The following CACNA1E variants were observed in gnomAD, a reference collection of about 807,000 sequenced individuals.
CACNA1E encodes calcium voltage-gated channel subunit alpha1 E, also known as voltage-dependent R-type calcium channel subunit alpha-1E.
CACNA1E carries 40 observed loss-of-function variants against 259.2 expected under a neutral mutation model. That is an observed-to-expected ratio of 0.15 (90% CI 0.12 to 0.20). CACNA1E has a LOEUF of 0.20. CACNA1E is among the 10% of genes least tolerant of loss of function. The pLI, the probability that CACNA1E is intolerant of heterozygous loss-of-function variation, is 1.00. For missense variants in CACNA1E, 1,874 were observed against 3,040.1 expected, an observed-to-expected ratio of 0.62 and a Z score of 9.02; for synonymous variants, 1,104 against 1,138.5, an observed-to-expected ratio of 0.97 and a Z score of 0.61.
At chr1:181,546,671 A>G (rs938114352) in intron 3 of CACNA1E, among the ~76,000 whole-genome samples, 4 of 152,144 alleles carry the variant, frequency 2.6e-5, no homozygotes, top group Admixed American at 2.6e-4. Flanking sequence ...CTGCGGTGAT[A>G]AACACACCCT....
intron 3 of CACNA1E, among the ~76,000 whole-genome samples, chr1:181,517,709 C>T (rs1260751986): frequency 6.6e-6 from 1 of 152,096 alleles, no homozygotes; most frequent in Non-Finnish European, 1.5e-5. Flanking sequence ...GCCAGTGGCA[C>T]ATGCAGAACG....
At chr1:181,373,803 GCA>G (rs1654889251) in intron 1 of CACNA1E, among the ~76,000 whole-genome samples, 1 of 152,144 alleles carries the variant, frequency 6.6e-6, no homozygotes. Flanking sequence ...GGGATTACAG[GCA>G]TGGACCACCG....
chr1:181,641,699 T>C (rs1657764353), intron 6 of CACNA1E, among the ~76,000 whole-genome samples: 1 of 110,604 alleles, frequency 9.0e-6, no homozygotes, highest in African/African-American at 3.5e-5. Flanking sequence ...AACACTAATT[T>C]TTTGTTTTTT....
chr1:181,520,279 A>G (rs1167961382), intron 3 of CACNA1E, among the ~76,000 whole-genome samples: 1 of 152,230 alleles, frequency 6.6e-6, no homozygotes, highest in Non-Finnish European at 1.5e-5. Context: ...TCTATTATCA[A>G]CAATTCTAAA....
At chr1:181,578,780 A>G (rs1651227917) in intron 4 of CACNA1E, among the ~76,000 whole-genome samples, 1 of 152,218 alleles carries the variant, frequency 6.6e-6, no homozygotes, top group East Asian at 1.9e-4. Context: ...GTCAAAGGAT[A>G]TGGCATTTTC....
Position 181,720,858 on chromosome 1 carries a change from A to G in CACNA1E, c.1956+3A>G. The G allele has an allele frequency of 6.2e-7, 1 of 1,604,170 alleles. No homozygotes were observed. Among genetic ancestry groups the G allele is most frequent in the Non-Finnish European group, 8.5e-7 (1 of 1,172,134 alleles). On this transcript the variant is annotated splice_donor_region_variant and intron_variant, in intron 15 of 47. Transcript: ENST00000367573. The stretch of plus-strand genomic sequence containing the variant: ...CAGCCATCATGACTGTGTTCCAGGT[A>G]TGAGGCCAGCTGACGGTTCACAAGT...
intron 7 of CACNA1E, among the ~76,000 whole-genome samples, chr1:181,667,894 T>A (rs145443447): frequency 6.6e-6 from 1 of 152,210 alleles, no homozygotes; most frequent in Non-Finnish European, 1.5e-5. Context: ...AACAGGAAGT[T>A]GTAAAAAATT....
At chr1:181,618,608 T>G (rs1655441346) in intron 6 of CACNA1E, among the ~76,000 whole-genome samples, 1 of 152,178 alleles carries the variant, frequency 6.6e-6, no homozygotes. Flanking sequence ...TCCTTTGTCC[T>G]TCAGTAGACG....
chr1:181,655,106 G>A (rs1365606313), intron 7 of CACNA1E, among the ~76,000 whole-genome samples: 1 of 151,914 alleles, frequency 6.6e-6, no homozygotes, highest in African/African-American at 2.4e-5. Context: ...TATACAGTTT[G>A]TGAAAATACA....
intron 3 of CACNA1E, among the ~76,000 whole-genome samples, chr1:181,570,651 G>A: frequency 6.6e-6 from 1 of 152,190 alleles, no homozygotes; most frequent in African/African-American, 2.4e-5. Flanking sequence ...ACATTCTTGT[G>A]TTCTTTGGCC....
Position 181,339,376 on chromosome 1 carries a change from A to C in CACNA1E, c.-15+21253A>C, listed in dbSNP as rs116356522. ...ATAGTTTTTAGTGCACAGATCTTTCACTTCCTTGGTTAAATTTATTCCTGA... is the reference window on the plus strand; with the variant it reads ...ATAGTTTTTAGTGCACAGATCTTTCCCTTCCTTGGTTAAATTTATTCCTGA... On this transcript the variant is annotated intron_variant, in intron 1 of 11. Transcript: ENST00000524607. Among the ~76,000 whole-genome samples the C allele has an allele frequency of 3.6e-3, 548 of 151,786 alleles. 7 individuals are homozygous for C. Among genetic ancestry groups the C allele is most frequent in the African/African-American group, 0.012 (513 of 41,420 alleles).
In CACNA1E at chr1:181,801,567, C is replaced by G. The variant is rs565908489; in HGVS notation, c.*2733C>G. ...AAGACCAGAAAATAAAATAATTTTC[C>G]GTTGAGTCACAAACTCATCATCTTG... On this transcript the variant is annotated 3_prime_UTR_variant, in exon 48 of 48. Coordinates refer to ENST00000367573, the MANE Select transcript of CACNA1E (RefSeq NM_001205293.3). 3 of 152,274 alleles carry G rather than the reference C, an allele frequency of 2.0e-5. No individual in the cohort carries two copies. Among genetic ancestry groups the G allele is most frequent in the African/African-American group, 7.2e-5 (3 of 41,550 alleles). 9.4% of individuals were successfully genotyped at this position (152,274 alleles called of 1,614,324 possible).
chr1:181,626,172 G>C (rs1656179854), intron 6 of CACNA1E, among the ~76,000 whole-genome samples: 1 of 152,134 alleles, frequency 6.6e-6, no homozygotes, highest in African/African-American at 2.4e-5. Context: ...TAATAATAAT[G>C]AAAAATTTTG....
chr1:181,563,887 G>A (rs1381762723), intron 3 of CACNA1E, among the ~76,000 whole-genome samples: 1 of 152,164 alleles, frequency 6.6e-6, no homozygotes. Context: ...GCATATAAGA[G>A]TTATGTTTAC....
intron 1 of CACNA1E, among the ~76,000 whole-genome samples, chr1:181,356,383 C>G (rs1653439341): frequency 6.6e-6 from 1 of 151,994 alleles, no homozygotes; most frequent in Non-Finnish European, 1.5e-5. Flanking sequence ...TTGTGAGATT[C>G]TAGAAGATAG....
chr1:181,486,713 A>G (rs1002580311), intron 1 of CACNA1E, among the ~76,000 whole-genome samples: 29 of 152,360 alleles, frequency 1.9e-4, no homozygotes, highest in African/African-American at 6.7e-4. Flanking sequence ...GACTTAATAT[A>G]TATCACATGC....
intron 1 of CACNA1E, among the ~76,000 whole-genome samples, chr1:181,497,159 T>G (rs1431218065): frequency 2.6e-5 from 4 of 152,078 alleles, no homozygotes; most frequent in Non-Finnish European, 4.4e-5. Flanking sequence ...ATGTTACATC[T>G]CTGGGTAACC....
intron 7 of CACNA1E, among the ~76,000 whole-genome samples, chr1:181,708,162 A>G (rs72735215): frequency 0.13 from 19,563 of 152,156 alleles, 1,339 homozygotes; most frequent in Admixed American, 0.19. Context: ...GTAGGCAGGC[A>G]GGGGGTGGAT....
At chr1:181,426,660 T>G (rs1195240166) in intron 2 of CACNA1E, among the ~76,000 whole-genome samples, 1 of 30,542 alleles carries the variant, frequency 3.3e-5, no homozygotes, top group African/African-American at 1.4e-4. Flanking sequence ...TTCCCATCTC[T>G]ACCCCTTTAC....
Sources: allele counts gnomAD v4.1 joint callset (sites outside exome capture counted in the v4.1 genomes callset), GRCh38; gene constraint gnomAD v4.1.1; transcripts MANE v1.5; gene names NCBI Gene and HGNC (gene_info 2026-07-23, HGNC 2026-07-21).